The following SORCS1 variants were observed in gnomAD, a reference collection of about 807,000 sequenced individuals.
The protein encoded by SORCS1 is VPS10 domain-containing receptor SorCS1.
A neutral mutation model predicts 146.1 loss-of-function variants in SORCS1; 60 were observed. That is an observed-to-expected ratio of 0.41 (90% CI 0.33 to 0.51). SORCS1 has a LOEUF of 0.51. SORCS1 is among the 20% of genes least tolerant of loss of function. SORCS1 has a pLI of 0.21. For missense variants in SORCS1, 1,352 were observed against 1,487.6 expected, an observed-to-expected ratio of 0.91 and a Z score of 1.50; for synonymous variants, 637 against 584.0, an observed-to-expected ratio of 1.09 and a Z score of -1.31.
intron 18 of SORCS1, among the ~76,000 whole-genome samples, chr10:106,646,320 C>T (rs1849428706): frequency 2.0e-5 from 3 of 151,996 alleles, no homozygotes; most frequent in African/African-American, 7.3e-5. Context: ...TTCCTTTATA[C>T]TAAATGGGTT....
chr10:106,707,382 TG>T (rs1286469467), intron 7 of SORCS1, among the ~76,000 whole-genome samples: 1 of 151,650 alleles, frequency 6.6e-6, no homozygotes, highest in Non-Finnish European at 1.5e-5. Context: ...GTAGAGATGG[TG>T]GGGGGGAGGG....
intron 22 of SORCS1, among the ~76,000 whole-genome samples, chr10:106,610,411 G>A (rs559542223): frequency 1.4e-4 from 22 of 152,100 alleles, no homozygotes; most frequent in African/African-American, 4.3e-4. Flanking sequence ...TTTCAACATC[G>A]TAAGCTTATT....
chr10:106,751,872 G>A (rs1359011898), intron 5 of SORCS1, among the ~76,000 whole-genome samples: 1 of 152,090 alleles, frequency 6.6e-6, no homozygotes, highest in Non-Finnish European at 1.5e-5. Flanking sequence ...TCTATTTACT[G>A]TAGTACACAA....
chr10:107,084,778 A>G (rs1015002556), intron 1 of SORCS1, among the ~76,000 whole-genome samples: 2 of 152,190 alleles, frequency 1.3e-5, no homozygotes, highest in African/African-American at 4.8e-5. Flanking sequence ...AAATTCTACA[A>G]AACCACAAAT....
chr10:106,920,019 T>C (rs1298478800), intron 2 of SORCS1, among the ~76,000 whole-genome samples: 2 of 152,178 alleles, frequency 1.3e-5, no homozygotes, highest in African/African-American at 4.8e-5. Flanking sequence ...CTGATGACGA[T>C]AGAAAGGTTT....
intron 6 of SORCS1, among the ~76,000 whole-genome samples, chr10:106,724,386 A>C (rs925039515): frequency 1.6e-4 from 24 of 152,176 alleles, no homozygotes; most frequent in African/African-American, 5.5e-4. Flanking sequence ...GTGCACCTGT[A>C]ATCCCAGCTA....
chr10:106,649,516 T>C (rs1031107864), intron 18 of SORCS1, among the ~76,000 whole-genome samples: 5 of 152,260 alleles, frequency 3.3e-5, no homozygotes, highest in Admixed American at 3.3e-4. Flanking sequence ...CATTTTCTTC[T>C]GGACTTTTTA....
chr10:107,086,508 A>C (rs753633167), intron 1 of SORCS1, among the ~76,000 whole-genome samples: 23 of 152,260 alleles, frequency 1.5e-4, no homozygotes, highest in Non-Finnish European at 3.1e-4. Context: ...ACCATTAATT[A>C]GGAATCAAGT....
intron 4 of SORCS1, among the ~76,000 whole-genome samples, chr10:106,771,137 T>A (rs1033068071): frequency 2.6e-5 from 4 of 152,098 alleles, no homozygotes; most frequent in Non-Finnish European, 5.9e-5. Flanking sequence ...CCGTTGCAAA[T>A]CCTAACAGAG....
intron 1 of SORCS1, among the ~76,000 whole-genome samples, chr10:107,130,109 G>A (rs2134623598): frequency 6.6e-6 from 1 of 152,314 alleles, no homozygotes; most frequent in Non-Finnish European, 1.5e-5. Flanking sequence ...CAACTGGAGG[G>A]AATCGCTGTC....
At chr10:106,834,874 A>G (rs925030368) in intron 2 of SORCS1, among the ~76,000 whole-genome samples, 1 of 152,236 alleles carries the variant, frequency 6.6e-6, no homozygotes, top group Non-Finnish European at 1.5e-5. Flanking sequence ...GTCAACACCT[A>G]TACTGTGCCA....
chr10:107,021,513 C>CAAAAAA (rs869141427), intron 1 of SORCS1, among the ~76,000 whole-genome samples: 15 of 68,622 alleles, frequency 2.2e-4, no homozygotes, highest in East Asian at 5.1e-4. Flanking sequence ...CACTCCGTCT[C>CAAAAAA]AAAAAAAAAA....
At chr10:107,034,700 A>AAAAAAAAAAAAAC (rs1958817406) in intron 1 of SORCS1, among the ~76,000 whole-genome samples, 1 of 146,928 alleles carries the variant, frequency 6.8e-6, no homozygotes, top group African/African-American at 2.5e-5. Flanking sequence ...AAAAAAAAAA[A>AAAAAAAAAAAAAC]AAAAAAACAA....
intron 18 of SORCS1, among the ~76,000 whole-genome samples, chr10:106,636,582 T>C (rs1848737415): frequency 6.6e-6 from 1 of 152,114 alleles, no homozygotes; most frequent in Non-Finnish European, 1.5e-5. Flanking sequence ...CAAATACTTA[T>C]AAGACCATCA....
chr10:107,013,075 T>A (rs1381593715), intron 1 of SORCS1, among the ~76,000 whole-genome samples: 2 of 152,176 alleles, frequency 1.3e-5, no homozygotes, highest in Non-Finnish European at 2.9e-5. Context: ...CAATTCCATA[T>A]CCCTAGGGGC....
At chr10:107,075,482 G>A (rs948316352) in intron 1 of SORCS1, among the ~76,000 whole-genome samples, 1 of 152,182 alleles carries the variant, frequency 6.6e-6, no homozygotes, top group African/African-American at 2.4e-5. Context: ...AGATGGCAGA[G>A]GGTATTTGAT....
intron 1 of SORCS1, among the ~76,000 whole-genome samples, chr10:107,125,898 G>T (rs889539789): frequency 1.3e-5 from 2 of 152,168 alleles, no homozygotes; most frequent in Non-Finnish European, 2.9e-5. Context: ...AAATGCTTCA[G>T]GTCCCAGAAG....
In SORCS1 at chr10:106,677,539, A is replaced by G. The variant is rs1852126673; in HGVS notation, c.1741-135T>C. 1.4e-5 allele frequency: 10 copies of G among 714,222 alleles called. No individual in the cohort carries two copies. In the Admixed American group the frequency reaches 2.5e-4, roughly 18 times the overall value. The allele number at this position is 714,222 out of a possible 1,614,324, so 44.2% of individuals were successfully genotyped here. On this transcript the variant is annotated intron_variant, in intron 12 of 25. Coordinates refer to ENST00000263054, the MANE Select transcript of SORCS1 (RefSeq NM_052918.5). ...GTTTCCCTAAATCTTTGCGAAAATA[A>G]AGCTATAGAACAGTTCTTCCCAACA...
intron 1 of SORCS1, among the ~76,000 whole-genome samples, chr10:106,963,298 G>C (rs905055721): frequency 2.6e-5 from 4 of 151,718 alleles, no homozygotes; most frequent in African/African-American, 9.7e-5. Flanking sequence ...CGTATTTTTA[G>C]TAGAGACAGG....
Sources: gnomAD v4.1 joint callset for allele counts (sites outside exome capture counted in the v4.1 genomes callset) on GRCh38, gnomAD v4.1.1 for gene constraint, MANE v1.5 for transcripts, NCBI Gene and HGNC (gene_info 2026-07-23, HGNC 2026-07-21) for gene names.